Variants in PPP1R12B observed in about 807,000 individuals in gnomAD.
The protein encoded by PPP1R12B is myosin phosphatase target subunit 2.
PPP1R12B carries 76 observed loss-of-function variants against 126.1 expected under a neutral mutation model. The observed-to-expected ratio is 0.60, with a 90% CI of 0.50 to 0.73. The LOEUF is 0.73. Among genes scored for constraint, PPP1R12B ranks in the 30% least tolerant of loss-of-function variants. The pLI is 0.00. For missense variants in PPP1R12B, 1,052 were observed against 1,205.1 expected (o/e 0.87, Z 1.88); for synonymous variants, 356 against 434.7 (o/e 0.82, Z 2.25).
At position 202,583,658 on chromosome 1, in the gene PPP1R12B, A is replaced by G; in HGVS notation, c.*3098A>G. 6.6e-6 allele frequency: 1 copy of G among 152,216 alleles called. No homozygotes were observed. 9.4% of individuals were successfully genotyped at this position (152,216 alleles called of 1,614,324 possible). The stretch of plus-strand genomic sequence containing the variant: ...TCTACTAGCCAGCAGTTCTCTCTGG[A>G]TACTGGCATCAGCAGGTCTCCTTTT... On this transcript the variant is annotated 3_prime_UTR_variant, in exon 24 of 24. Coordinates refer to ENST00000608999, the MANE Select transcript of PPP1R12B (RefSeq NM_002481.4).
chr1:202,523,349 T>C (rs1291810712), intron 18 of PPP1R12B, among the ~76,000 whole-genome samples: 10 of 151,976 alleles, frequency 6.6e-5, no homozygotes, highest in Admixed American at 5.2e-4. Context: ...ATAAAGAGGA[T>C]TGGATGGAGA....
At chr1:202,472,158 T>C (rs1558270727) in intron 13 of PPP1R12B, 3 of 958,076 alleles carry the variant, frequency 3.1e-6, no homozygotes, top group Non-Finnish European at 3.0e-6. Context: ...AAAACAAAAG[T>C]TTTTTATATA....
chr1:202,496,794 A>G lies in PPP1R12B; in HGVS notation c.2462A>G (p.Asp821Gly). 1 of 1,612,418 alleles carries G rather than the reference A, an allele frequency of 6.2e-7. No individual in the cohort carries two copies. Among genetic ancestry groups the G allele is most frequent in the Non-Finnish European group, 8.5e-7 (1 of 1,178,670 alleles). Residue 821 changes from aspartate (D) to glycine (G), a missense_variant, in exon 18 of 24, where the codon GAT (aspartate) becomes GGT (glycine). Physicochemically the swap from Asp to Gly is moderately conservative, Grantham distance 94 (BLOSUM62 -1). Coordinates refer to ENST00000608999, the MANE Select transcript of PPP1R12B (RefSeq NM_002481.4). ...NFWTKDEDET[D>G]GSEEVKETWH... ...TTTCTTTTTTAGGAGGATGAAACTG[A>G]TGGCTCTGAAGAGGTCAAAGAAACG... is the stretch of plus-strand genomic sequence containing the variant.
chr1:202,435,872 T>C (rs1408251494), intron 9 of PPP1R12B, among the ~76,000 whole-genome samples: 2 of 152,224 alleles, frequency 1.3e-5, no homozygotes, highest in Non-Finnish European at 2.9e-5. Flanking sequence ...TTTGAATAAA[T>C]GTAATTCTCA....
chr1:202,579,644 G>A (rs1159122265), intron 23 of PPP1R12B, among the ~76,000 whole-genome samples: 4 of 152,196 alleles, frequency 2.6e-5, no homozygotes, highest in East Asian at 3.8e-4. Context: ...ACAACAGTAT[G>A]TGTAATGTTC....
At chr1:202,559,300 G>A (rs1157111027) in intron 19 of PPP1R12B, among the ~76,000 whole-genome samples, 1 of 152,182 alleles carries the variant, frequency 6.6e-6, no homozygotes, top group Non-Finnish European at 1.5e-5. Context: ...AGTACAGACA[G>A]GTATTCTGAG....
chr1:202,455,048 A>G (rs1673443176), intron 13 of PPP1R12B, among the ~76,000 whole-genome samples: 1 of 152,170 alleles, frequency 6.6e-6, no homozygotes, highest in African/African-American at 2.4e-5. Flanking sequence ...TGGGCATTGC[A>G]AACAAAAGAT....
rs1438704230 is a variant in PPP1R12B, at chr1:202,590,442, G to A, written c.*9882G>A. On this transcript the variant is annotated 3_prime_UTR_variant, in exon 24 of 24. Coordinates refer to ENST00000608999, the MANE Select transcript of PPP1R12B (RefSeq NM_002481.4). ...AGAGAGGGGACCTCAGCCCCTTTTG[G>A]TGCTTCCCTGAAGGGAGATTCTGGG... 1 of 151,472 alleles carries A rather than the reference G, an allele frequency of 6.6e-6. No individual in the cohort carries two copies. The highest frequency in any genetic ancestry group is 6.6e-5 in the Admixed American group (1 of 15,210). The allele number at this position is 151,472 out of a possible 1,614,324, so 9.4% of individuals were successfully genotyped here.
intron 18 of PPP1R12B, among the ~76,000 whole-genome samples, chr1:202,517,630 CT>C (rs59698189): frequency 0.41 from 60,956 of 147,574 alleles, 14,116 homozygotes; most frequent in East Asian, 0.7. Flanking sequence ...AATGAGGTAT[CT>C]TTTTTTTTTT....
At chr1:202,493,027 T>C (rs1213981958) in intron 14 of PPP1R12B, 87 bp from the exon 15 acceptor site, 2 of 1,395,138 alleles carry the variant, frequency 1.4e-6, no homozygotes, top group African/African-American at 1.4e-5. Context: ...TTGATAACTA[T>C]TAGGTCTTTT....
At chr1:202,417,500 C>T (rs1441848553) in intron 2 of PPP1R12B, 3 of 735,096 alleles carry the variant, frequency 4.1e-6, no homozygotes, top group East Asian at 1.3e-4. Flanking sequence ...TTGCCCCTCC[C>T]GTGGGCAGAA....
chr1:202,402,413 A>C (rs185550413), intron 1 of PPP1R12B, among the ~76,000 whole-genome samples: 2 of 152,250 alleles, frequency 1.3e-5, no homozygotes, highest in Non-Finnish European at 2.9e-5. Flanking sequence ...TTCTTCTAGG[A>C]CATAGCAGTC....
At position 202,438,305 on chromosome 1, in the gene PPP1R12B, C is replaced by T. The variant is rs377723124; in HGVS notation, c.1458+281C>T. On this transcript the variant is annotated intron_variant, in intron 10 of 23. Coordinates refer to ENST00000608999, the MANE Select transcript of PPP1R12B (RefSeq NM_002481.4). ...TTACCTAAAGCAAAAAATGGATCAG[C>T]AACATAAAAATTTCAGTATGGCGGA... is the stretch of plus-strand genomic sequence containing the variant. 6.6e-5 allele frequency: 98 copies of T among 1,489,314 alleles called. 2 individuals carry two copies. In the Middle Eastern group the frequency reaches 1.4e-3, roughly 21 times the overall value. 92.3% of individuals were successfully genotyped at this position (1,489,314 alleles called of 1,614,324 possible). A position where few individuals can be genotyped will look rare whatever the true frequency, so the allele number is the denominator to read the frequency against.
intron 23 of PPP1R12B, chr1:202,575,316 A>T (rs1034697398): frequency 1.1e-5 from 10 of 906,528 alleles, no homozygotes; most frequent in Admixed American, 8.6e-5. Flanking sequence ...AGAATGGGAC[A>T]TACCAGCCTA....
chr1:202,458,275 T>C (rs1673892583), intron 13 of PPP1R12B, among the ~76,000 whole-genome samples: 1 of 93,256 alleles, frequency 1.1e-5, no homozygotes, highest in South Asian at 5.7e-4. Context: ...TGGAATACAA[T>C]TGAGGGAATA....
intron 13 of PPP1R12B, among the ~76,000 whole-genome samples, chr1:202,466,431 T>C (rs2148773112): frequency 6.6e-6 from 1 of 152,294 alleles, no homozygotes; most frequent in African/African-American, 2.4e-5. Flanking sequence ...CCTTTTCTGA[T>C]TGCTCCTTCT....
At chr1:202,367,282 G>A (rs898417472) in intron 1 of PPP1R12B, among the ~76,000 whole-genome samples, 2 of 152,106 alleles carry the variant, frequency 1.3e-5, no homozygotes, top group Admixed American at 6.6e-5. Flanking sequence ...TATGAGCTTT[G>A]GAATCAGACA....
chr1:202,539,842 T>C (rs1200753739), intron 18 of PPP1R12B: 2 of 195,394 alleles, frequency 1.0e-5, no homozygotes, highest in Non-Finnish European at 2.1e-5. Flanking sequence ...GGACTCAATC[T>C]AGGCATAAAA....
chr1:202,458,846 A>G (rs911370286), intron 13 of PPP1R12B, among the ~76,000 whole-genome samples: 1 of 152,212 alleles, frequency 6.6e-6, no homozygotes, highest in African/African-American at 2.4e-5. Context: ...CACAGGTCCA[A>G]TTTCAAACAA....
Sources: gnomAD v4.1 joint callset for allele counts (sites outside exome capture counted in the v4.1 genomes callset) on GRCh38, gnomAD v4.1.1 for gene constraint, MANE v1.5 for transcripts, NCBI Gene and HGNC (gene_info 2026-07-23, HGNC 2026-07-21) for gene names.